Variants in NINL observed in about 807,000 individuals in gnomAD.
The protein encoded by NINL is ninein-like protein.
In NINL, 153 loss-of-function variants were observed where a neutral mutation model predicts 160.3. The observed-to-expected ratio is 0.95, with a 90% CI of 0.84 to 1.09. The LOEUF (loss-of-function observed/expected upper bound fraction) is 1.09. Among genes scored for constraint, NINL ranks in the 50% least tolerant of loss-of-function variants. The probability of loss-of-function intolerance (pLI) is 0.00; values close to 1 mark genes in which losing one functional copy is unlikely to be tolerated. For missense variants in NINL, 1,829 were observed against 1,764.0 expected, an observed-to-expected ratio of 1.04 and a Z score of -0.66; for synonymous variants, 800 against 734.8, an observed-to-expected ratio of 1.09 and a Z score of -1.43.
chr20:25,582,703 A>G (rs945798085), intron 1 of NINL, among the ~76,000 whole-genome samples: 3 of 152,160 alleles, frequency 2.0e-5, no homozygotes, highest in African/African-American at 7.2e-5. Flanking sequence ...TGCTTCTCTA[A>G]CACCTGAACA....
At chr20:25,512,415 A>G (rs1036978233) in intron 4 of NINL, among the ~76,000 whole-genome samples, 1 of 152,232 alleles carries the variant, frequency 6.6e-6, no homozygotes, top group African/African-American at 2.4e-5. Context: ...TTGTATACAA[A>G]GGATTCATGA....
At chr20:25,536,370 G>C (rs1011491636) in intron 1 of NINL, among the ~76,000 whole-genome samples, 6 of 152,138 alleles carry the variant, frequency 3.9e-5, no homozygotes, top group South Asian at 2.1e-4. Flanking sequence ...ATAGGCTTTT[G>C]ACAAGGCTGA....
chr20:25,515,066 C>T (rs1158611544), intron 3 of NINL, among the ~76,000 whole-genome samples: 1 of 152,174 alleles, frequency 6.6e-6, no homozygotes, highest in Non-Finnish European at 1.5e-5. Context: ...AGAAAAGGGT[C>T]ACTGTCCTCC....
At position 25,498,359 on chromosome 20, in the gene NINL, A is replaced by G; in HGVS notation, c.1033-13T>C. 6.2e-7 allele frequency: 1 copy of G among 1,611,898 alleles called. No individual in the cohort carries two copies. The highest frequency in any genetic ancestry group is 8.5e-7 in the Non-Finnish European group (1 of 1,179,936). ...TGAAGTCCAGGCTCTGGAAGCAGCA[A>G]GCCTGGTAAGCAGGAGAGGCTGAGG... On this transcript the variant is annotated splice_polypyrimidine_tract_variant and intron_variant, in intron 8 of 23. Transcript: ENST00000278886.
At chr20:25,552,403 T>C (rs1304841426) in intron 1 of NINL, among the ~76,000 whole-genome samples, 1 of 152,130 alleles carries the variant, frequency 6.6e-6, no homozygotes, top group South Asian at 2.1e-4. Context: ...ACCATATACA[T>C]AGGTTAAACC....
intron 1 of NINL, among the ~76,000 whole-genome samples, chr20:25,544,826 C>T (rs1053321812): frequency 3.3e-5 from 5 of 152,224 alleles, no homozygotes; most frequent in African/African-American, 1.2e-4. Flanking sequence ...GCACCCCAAA[C>T]AACTTTTACT....
chr20:25,504,740 C>T (rs376033700), intron 6 of NINL, 148 bp downstream of exon 6: 24 of 860,354 alleles, frequency 2.8e-5, no homozygotes, highest in East Asian at 2.7e-4. Context: ...TAGCCTTTGG[C>T]AGAAATGCCA....
At chr20:25,492,383 A>C (rs554778224) in intron 10 of NINL, among the ~76,000 whole-genome samples, 3 of 152,076 alleles carry the variant, frequency 2.0e-5, no homozygotes, top group Non-Finnish European at 4.4e-5. Flanking sequence ...GGTTAAATAA[A>C]TTATGGCAGA....
chr20:25,499,552 CTTCCTG>C (rs1362506816), intron 8 of NINL, among the ~76,000 whole-genome samples: 3 of 152,060 alleles, frequency 2.0e-5, no homozygotes, highest in Non-Finnish European at 4.4e-5. Flanking sequence ...GCTCTCTGCC[CTTCCTG>C]CAAGCGATTT....
chr20:25,535,145 C>A (rs1433503724), intron 1 of NINL, among the ~76,000 whole-genome samples: 2 of 152,126 alleles, frequency 1.3e-5, no homozygotes, highest in Non-Finnish European at 2.9e-5. Context: ...GACATTAACG[C>A]TAAGTGAAAT....
Position 25,504,096 on chromosome 20 carries a change from TTCGAGTTCCTA to T in NINL, c.709-3_716del. ...CTTGATCCAGTTTGTTAAACAGGTC[TTCGAGTTCCTA>T]AACAAAAGCCGTCATATCTCAGGCC... is the stretch of plus-strand genomic sequence containing the variant. On this transcript the variant is annotated splice_acceptor_variant and splice_polypyrimidine_tract_variant and coding_sequence_variant and intron_variant, in exon 7 of 24. Coordinates refer to ENST00000278886, the MANE Select transcript of NINL (RefSeq NM_025176.6). LOFTEE classifies it high-confidence loss of function. 6.4e-7 allele frequency: 1 copy of T among 1,571,094 alleles called. No individual in the cohort carries two copies. Among genetic ancestry groups the T allele is most frequent in the Non-Finnish European group, 8.6e-7 (1 of 1,159,562 alleles).
At chr20:25,511,695 A>C (rs1027861626) in intron 4 of NINL, among the ~76,000 whole-genome samples, 16 of 152,192 alleles carry the variant, frequency 1.1e-4, no homozygotes, top group Non-Finnish European at 1.9e-4. Context: ...GAGATTCACT[A>C]TCTCTCCATC....
At chr20:25,532,398 G>A (rs964271014) in intron 1 of NINL, among the ~76,000 whole-genome samples, 8 of 152,226 alleles carry the variant, frequency 5.3e-5, no homozygotes, top group South Asian at 2.1e-4. Flanking sequence ...GGCAAACAGC[G>A]GTCCCCTCTG....
At position 25,500,975 on chromosome 20, in the gene NINL, G is replaced by C; in HGVS notation, c.897C>G (p.Thr299=). The stretch of plus-strand genomic sequence containing the variant: ...TGGAGCACAGGGACACGAGGGATGA[G>C]GTTGTGGTGGTGTGGCAGCCGCTCT... The part of the protein sequence containing the change: ...PEESGCHTTT[T]SSLVSLCSSL... Residue 299 remains threonine (T), a synonymous_variant, in exon 8 of 24, where the codon ACC becomes ACG. Transcript: ENST00000278886. The C allele has an allele frequency of 6.2e-7, 1 of 1,614,176 alleles. No individual in the cohort carries two copies. The highest frequency in any genetic ancestry group is 2.2e-5 in the East Asian group (1 of 44,886).
chr20:25,528,024 C>T (rs939491876), intron 1 of NINL, among the ~76,000 whole-genome samples: 2 of 152,070 alleles, frequency 1.3e-5, no homozygotes, highest in African/African-American at 4.8e-5. Context: ...TTGAAATTCA[C>T]ATTTATTTAT....
chr20:25,527,501 A>G (rs1233404032), intron 1 of NINL, among the ~76,000 whole-genome samples: 1 of 151,976 alleles, frequency 6.6e-6, no homozygotes, highest in Non-Finnish European at 1.5e-5. Flanking sequence ...TTTTCCTTAC[A>G]AGGGTTTCTG....
chr20:25,458,810 G>A (rs892778514), intron 21 of NINL: 33 of 438,594 alleles, frequency 7.5e-5, no homozygotes, highest in Middle Eastern at 5.8e-4. Context: ...ACTCTGCTGC[G>A]TCCAGTGTTA....
chr20:25,464,398 C>G (rs2062861177), intron 19 of NINL, among the ~76,000 whole-genome samples: 1 of 151,748 alleles, frequency 6.6e-6, no homozygotes, highest in Non-Finnish European at 1.5e-5. Context: ...GCCAGAGTGA[C>G]AGAACAAGAC....
intron 1 of NINL, among the ~76,000 whole-genome samples, chr20:25,574,150 TC>T (rs142181550): frequency 0.017 from 2,531 of 152,282 alleles, 73 homozygotes; most frequent in African/African-American, 0.058. Flanking sequence ...GTTTCAAAAG[TC>T]CCCTATTTTA....
Sources: allele counts gnomAD v4.1 joint callset (sites outside exome capture counted in the v4.1 genomes callset), GRCh38; gene constraint gnomAD v4.1.1; transcripts MANE v1.5; gene names NCBI Gene and HGNC (gene_info 2026-07-23, HGNC 2026-07-21).